Variants in ROBO1 observed in about 807,000 individuals in gnomAD.
ROBO1 encodes roundabout guidance receptor 1, also known as roundabout homolog 1.
ROBO1 carries 149 observed loss-of-function variants against 195.9 expected under a neutral mutation model. That is an observed-to-expected ratio of 0.76 (90% CI 0.67 to 0.87). The LOEUF is 0.87. Among genes scored for constraint, ROBO1 ranks in the 40% least tolerant of loss-of-function variants. The pLI is 0.00. For missense variants in ROBO1, 1,933 were observed against 2,068.3 expected (o/e 0.93, Z 1.27); for synonymous variants, 816 against 733.2 (o/e 1.11, Z -1.82).
At chr3:79,669,782 T>C (rs1050299783) in intron 1 of ROBO1, among the ~76,000 whole-genome samples, 1 of 151,924 alleles carries the variant, frequency 6.6e-6, no homozygotes, top group Non-Finnish European at 1.5e-5. Flanking sequence ...CTTGACTTAA[T>C]GGCATTTCAA....
At chr3:78,667,815 A>G in intron 14 of ROBO1, 68 bp downstream of exon 14, 2 of 1,475,074 alleles carry the variant, frequency 1.4e-6, no homozygotes, top group Non-Finnish European at 1.9e-6. Flanking sequence ...AGCACAAGTG[A>G]TTTGTCAGTG....
intron 3 of ROBO1, among the ~76,000 whole-genome samples, chr3:78,969,446 G>T (rs2107899826): frequency 6.6e-6 from 1 of 152,290 alleles, no homozygotes. Flanking sequence ...ACTTGACACA[G>T]AATGTTGGAA....
At chr3:78,717,007 C>A (rs2081918303) in intron 7 of ROBO1, among the ~76,000 whole-genome samples, 1 of 152,108 alleles carries the variant, frequency 6.6e-6, no homozygotes, top group African/African-American at 2.4e-5. Flanking sequence ...TCTGGTTGAA[C>A]AGAAGAGAAA....
rs1459489874 is a variant in ROBO1, at chr3:79,208,461, GAAGAT to G, written c.89-82927_89-82923del. Among the ~76,000 whole-genome samples, 3 of 152,208 alleles carry G rather than the reference GAAGAT, an allele frequency of 2.0e-5. No individual in the cohort carries two copies. The East Asian group carries it at 5.8e-4, about 29-fold the overall frequency. ...GTATTTAAAATGGTTGGATAGGCTT[GAAGAT>G]AAGATAATTTGGGTGTCATTAAAAG... is the stretch of plus-strand genomic sequence containing the variant. On this transcript the variant is annotated intron_variant, in intron 2 of 30. Coordinates refer to ENST00000464233, the MANE Select transcript of ROBO1 (RefSeq NM_002941.4).
chr3:79,344,776 C>T (rs1291909811), intron 2 of ROBO1, among the ~76,000 whole-genome samples: 1 of 152,098 alleles, frequency 6.6e-6, no homozygotes, highest in Non-Finnish European at 1.5e-5. Context: ...ACTTAAATCT[C>T]ATCCCCAGTT....
chr3:79,231,526 C>T (rs770104117), intron 2 of ROBO1, among the ~76,000 whole-genome samples: 39 of 151,580 alleles, frequency 2.6e-4, no homozygotes, highest in Non-Finnish European at 5.9e-5. Context: ...ATCTCACACC[C>T]GTCAGAATGG....
chr3:79,007,853 G>A (rs560521100), intron 3 of ROBO1, among the ~76,000 whole-genome samples: 4 of 152,082 alleles, frequency 2.6e-5, no homozygotes, highest in Middle Eastern at 6.3e-3. Flanking sequence ...CTTAAGCACA[G>A]GGAATGAGCA....
chr3:79,766,200 A>G (rs1393435366), intron 1 of ROBO1, among the ~76,000 whole-genome samples: 1 of 151,826 alleles, frequency 6.6e-6, no homozygotes, highest in Non-Finnish European at 1.5e-5. Flanking sequence ...CTCTAAATCA[A>G]TCCACTTAAA....
intron 2 of ROBO1, among the ~76,000 whole-genome samples, chr3:79,378,717 C>T (rs1385579557): frequency 6.6e-6 from 1 of 152,144 alleles, no homozygotes; most frequent in East Asian, 1.9e-4. Context: ...ATTTTCACGC[C>T]TTTACACCTT....
chr3:79,531,813 G>A (rs1941673501), intron 2 of ROBO1, among the ~76,000 whole-genome samples: 1 of 151,490 alleles, frequency 6.6e-6, no homozygotes, highest in Admixed American at 6.6e-5. Flanking sequence ...CATTGCTTAA[G>A]GAATATCAAA....
At chr3:78,749,472 TG>T (rs2082736580) in intron 4 of ROBO1, among the ~76,000 whole-genome samples, 1 of 152,176 alleles carries the variant, frequency 6.6e-6, no homozygotes, top group Non-Finnish European at 1.5e-5. Flanking sequence ...CTCATATGAT[TG>T]TTTTTGCAGC....
At chr3:79,257,641 T>A (rs2082861322) in intron 2 of ROBO1, among the ~76,000 whole-genome samples, 4 of 152,044 alleles carry the variant, frequency 2.6e-5, no homozygotes. Flanking sequence ...TTGTTTGAAG[T>A]AAGCAGGAAA....
At chr3:79,199,682 T>C (rs2081725163) in intron 2 of ROBO1, among the ~76,000 whole-genome samples, 1 of 151,794 alleles carries the variant, frequency 6.6e-6, no homozygotes, top group Non-Finnish European at 1.5e-5. Flanking sequence ...ATGAGACACA[T>C]ATTTTTAGAA....
intron 2 of ROBO1, among the ~76,000 whole-genome samples, chr3:79,270,977 C>T (rs1559779494): frequency 6.6e-6 from 1 of 151,766 alleles, no homozygotes; most frequent in Non-Finnish European, 1.5e-5. Context: ...TTATCACTAC[C>T]ATTGTAACAT....
chr3:78,911,069 A>G (rs2107535245), intron 4 of ROBO1, among the ~76,000 whole-genome samples: 1 of 152,130 alleles, frequency 6.6e-6, no homozygotes, highest in South Asian at 2.1e-4. Context: ...TTATAACCTG[A>G]GGAGAAAATT....
chr3:79,451,277 G>A (rs1228741432), intron 2 of ROBO1, among the ~76,000 whole-genome samples: 1 of 152,076 alleles, frequency 6.6e-6, no homozygotes, highest in African/African-American at 2.4e-5. Context: ...TTAATAAGCA[G>A]CTTGACTTAG....
chr3:78,903,190 T>C (rs1048422657), intron 4 of ROBO1, among the ~76,000 whole-genome samples: 1 of 152,180 alleles, frequency 6.6e-6, no homozygotes, highest in Admixed American at 6.5e-5. Flanking sequence ...TTTTTATTAA[T>C]ATAATCCTCA....
intron 2 of ROBO1, among the ~76,000 whole-genome samples, chr3:79,199,431 C>A (rs564264898): frequency 6.6e-6 from 1 of 151,858 alleles, no homozygotes; most frequent in East Asian, 1.9e-4. Flanking sequence ...GACTATCACT[C>A]CTTAATACTG....
intron 2 of ROBO1, 90 bp from the exon 3 acceptor site, chr3:79,125,629 T>A (rs530181143): frequency 3.2e-6 from 3 of 942,026 alleles, no homozygotes; most frequent in South Asian, 1.4e-5. Flanking sequence ...CACAAGTAAA[T>A]CCACATGTGA....
Sources: gnomAD v4.1 joint callset for allele counts (sites outside exome capture counted in the v4.1 genomes callset) on GRCh38, gnomAD v4.1.1 for gene constraint, MANE v1.5 for transcripts, NCBI Gene and HGNC (gene_info 2026-07-23, HGNC 2026-07-21) for gene names.